AK8: variants seen among roughly 807,000 people sequenced by gnomAD.
The protein encoded by AK8 is adenylate kinase 8.
AK8 carries 44 observed loss-of-function variants against 54.6 expected under a neutral mutation model. The observed-to-expected ratio is 0.81, with a 90% CI of 0.63 to 1.04. The LOEUF (loss-of-function observed/expected upper bound fraction) is 1.04. Among genes scored for constraint, AK8 ranks in the 50% least tolerant of loss-of-function variants. The pLI is 0.00. For missense variants in AK8, 555 were observed against 613.6 expected (o/e 0.90, Z 1.01); for synonymous variants, 239 against 245.6 (o/e 0.97, Z 0.25).
intron 11 of AK8, among the ~76,000 whole-genome samples, chr9:132,787,321 T>C (rs1839754748): frequency 6.6e-6 from 1 of 152,150 alleles, no homozygotes; most frequent in African/African-American, 2.4e-5. Flanking sequence ...AAGGATATAA[T>C]GAAATTTCAC....
chr9:132,827,967 G>A lies in AK8; in HGVS notation c.556+46C>T, dbSNP rs1307137504. On this transcript the variant is annotated intron_variant, in intron 7 of 12. Transcript: ENST00000298545. Reference sequence around the variant, plus strand: ...TGGTAGACGGGCTGTCATCACCATGGACTCTGAAACCCCATGGGGCTGGGT... The same window carrying A: ...TGGTAGACGGGCTGTCATCACCATGAACTCTGAAACCCCATGGGGCTGGGT... 11 of 1,536,102 alleles carry A rather than the reference G, an allele frequency of 7.2e-6. 1 individual carries two copies. Among genetic ancestry groups the A allele is most frequent in the Non-Finnish European group, 8.8e-6 (10 of 1,133,754 alleles).
At chr9:132,809,587 A>G (rs959555937) in intron 10 of AK8, among the ~76,000 whole-genome samples, 2 of 152,230 alleles carry the variant, frequency 1.3e-5, no homozygotes, top group Admixed American at 1.3e-4. Flanking sequence ...GAGTATGGCC[A>G]TACAATGGGT....
intron 11 of AK8, among the ~76,000 whole-genome samples, chr9:132,777,183 G>A (rs1839258869): frequency 6.6e-6 from 1 of 152,134 alleles, no homozygotes; most frequent in African/African-American, 2.4e-5. Flanking sequence ...GAGGAATTGG[G>A]TTGAACGTAC....
chr9:132,812,686 C>T (rs489061), intron 10 of AK8, among the ~76,000 whole-genome samples: 4 of 151,964 alleles, frequency 2.6e-5, no homozygotes, highest in Admixed American at 1.3e-4. Context: ...TCCTGCCACC[C>T]GGAAGCCTGG....
intron 11 of AK8, among the ~76,000 whole-genome samples, chr9:132,754,578 C>T (rs985404826): frequency 2.0e-5 from 3 of 152,152 alleles, no homozygotes; most frequent in African/African-American, 7.2e-5. Context: ...CTTTCAATGG[C>T]CATTCCTCTT....
At chr9:132,735,812 A>G (rs542941994) in intron 11 of AK8, among the ~76,000 whole-genome samples, 2 of 152,330 alleles carry the variant, frequency 1.3e-5, no homozygotes, top group South Asian at 4.1e-4. Flanking sequence ...AAAACAACCC[A>G]ACTGTTCATC....
chr9:132,806,841 C>A (rs919426049), intron 10 of AK8, among the ~76,000 whole-genome samples: 23 of 152,200 alleles, frequency 1.5e-4, no homozygotes, highest in African/African-American at 5.1e-4. Flanking sequence ...ACGATGGCTG[C>A]ATTTGCTAGG....
chr9:132,736,249 C>T (rs1837106347), intron 11 of AK8, among the ~76,000 whole-genome samples: 1 of 149,304 alleles, frequency 6.7e-6, no homozygotes, highest in African/African-American at 2.5e-5. Flanking sequence ...TGGAATGGCG[C>T]AATCTTGGCT....
rs917915092 is a variant in AK8, at chr9:132,821,560, T to C, written c.889+1645A>G. On this transcript the variant is annotated intron_variant, in intron 9 of 12. Transcript: ENST00000298545. ...TTCAGGTCTCTATCTTCATTTTAGGTGTGTGACTTTTGTCATGGATTCCTT... is the reference window on the plus strand; with the variant it reads ...TTCAGGTCTCTATCTTCATTTTAGGCGTGTGACTTTTGTCATGGATTCCTT... Among the ~76,000 whole-genome samples, 5 of 152,084 alleles carry C rather than the reference T, an allele frequency of 3.3e-5. 1 individual carries two copies. The highest frequency in any genetic ancestry group is 7.4e-5 in the Non-Finnish European group (5 of 68,022).
intron 11 of AK8, among the ~76,000 whole-genome samples, chr9:132,733,677 G>A (rs1437924190): frequency 6.6e-6 from 1 of 152,258 alleles, no homozygotes; most frequent in African/African-American, 2.4e-5. Context: ...AGGTGGCAGG[G>A]TGCAGGGGCA....
Position 132,749,021 on chromosome 9 carries a change from C to A in AK8, c.1122-21487G>T, listed in dbSNP as rs569342213. On this transcript the variant is annotated intron_variant, in intron 11 of 12. Coordinates refer to ENST00000298545, the MANE Select transcript of AK8 (RefSeq NM_152572.3). Reference sequence around the variant, plus strand: ...TCCTGAGTAGCTGGGATTACAGGTACCTGCCACCAAGCCCGGCTAATTTTT... The same window carrying A: ...TCCTGAGTAGCTGGGATTACAGGTAACTGCCACCAAGCCCGGCTAATTTTT... Among the ~76,000 whole-genome samples, 6 of 151,772 alleles carry A rather than the reference C, an allele frequency of 4.0e-5. 1 individual carries two copies. In the South Asian group the frequency reaches 1.2e-3, roughly 32 times the overall value.
intron 11 of AK8, among the ~76,000 whole-genome samples, chr9:132,730,500 C>A (rs940702024): frequency 6.8e-6 from 1 of 146,608 alleles, no homozygotes; most frequent in Non-Finnish European, 1.5e-5. Flanking sequence ...AGAGAGTGAT[C>A]TAAAACCCTA....
chr9:132,785,478 A>T (rs1008295992), intron 11 of AK8, among the ~76,000 whole-genome samples: 2 of 152,242 alleles, frequency 1.3e-5, no homozygotes, highest in African/African-American at 4.8e-5. Context: ...GGTTTAATCA[A>T]GTCGTGTTGA....
In AK8 at chr9:132,826,078, G is replaced by A. The variant is rs1841855700; in HGVS notation, c.757+776C>T. Among the ~76,000 whole-genome samples the A allele has an allele frequency of 6.6e-6, 1 of 152,192 alleles. No homozygotes were observed. The highest frequency in any genetic ancestry group is 1.5e-5 in the Non-Finnish European group (1 of 68,024). On this transcript the variant is annotated intron_variant, in intron 8 of 12. Coordinates refer to ENST00000298545, the MANE Select transcript of AK8 (RefSeq NM_152572.3). This position sits in a 1 kb window ranked among gnomAD's most constrained non-coding sequence, Gnocchi z 4.5. ...GGAGCTATGACGACTGATGTTTATT[G>A]AGGCTTTTCTCTGTGCCAGAACTGG...
chr9:132,748,055 T>C (rs1388114445), intron 11 of AK8, among the ~76,000 whole-genome samples: 1 of 151,594 alleles, frequency 6.6e-6, no homozygotes, highest in Non-Finnish European at 1.5e-5. Context: ...GCTGAGACGG[T>C]GCCATTGCAC....
At chr9:132,809,802 C>A (rs753105201) in intron 10 of AK8, among the ~76,000 whole-genome samples, 2 of 152,196 alleles carry the variant, frequency 1.3e-5, no homozygotes, top group Admixed American at 1.3e-4. Context: ...CTAGGGGACC[C>A]CTAAGTCACA....
chr9:132,789,624 A>C (rs564346554), intron 11 of AK8, among the ~76,000 whole-genome samples: 119 of 142,788 alleles, frequency 8.3e-4, no homozygotes, highest in African/African-American at 2.8e-3. Flanking sequence ...AAAAAAAAAG[A>C]AAGAAAGAAA....
At chr9:132,742,197 T>G (rs965697501) in intron 11 of AK8, among the ~76,000 whole-genome samples, 2 of 146,618 alleles carry the variant, frequency 1.4e-5, no homozygotes, top group Non-Finnish European at 1.5e-5. Flanking sequence ...TTGAGAGAGA[T>G]AGAGTCTCAT....
At chr9:132,729,047 T>C (rs912496889) in intron 11 of AK8, among the ~76,000 whole-genome samples, 6 of 152,082 alleles carry the variant, frequency 3.9e-5, no homozygotes, top group African/African-American at 1.4e-4. Flanking sequence ...CCCACCCAGA[T>C]AAGTTTTGTT....
Sources: gnomAD v4.1 joint callset for allele counts (sites outside exome capture counted in the v4.1 genomes callset) on GRCh38, gnomAD v4.1.1 for gene constraint, Gnocchi (gnomAD v3.1) non-coding constraint, MANE v1.5 for transcripts, NCBI Gene and HGNC (gene_info 2026-07-23, HGNC 2026-07-21) for gene names.